Variants in SUMO3 observed in about 807,000 individuals in gnomAD.
SUMO3 encodes small ubiquitin-related modifier 3.
SUMO3 carries 2 observed loss-of-function variants against 11.1 expected under a neutral mutation model. The ratio of observed to expected loss-of-function variants is 0.18; its 90% CI spans 0.07 to 0.57. The LOEUF (loss-of-function observed/expected upper bound fraction) is 0.57. SUMO3 is among the 20% of genes least tolerant of loss of function. SUMO3 has a pLI of 0.92. For synonymous variants in SUMO3, 56 were observed against 53.5 expected, an observed-to-expected ratio of 1.05 and a Z score of -0.20; for missense variants, 70 against 132.8, an observed-to-expected ratio of 0.53 and a Z score of 2.32.
chr21:44,813,196 A>G (rs1569308917), intron 2 of SUMO3, among the ~76,000 whole-genome samples: 3 of 152,352 alleles, frequency 2.0e-5, no homozygotes, highest in Middle Eastern at 3.4e-3. Flanking sequence ...GTATTTTCAA[A>G]GCGGCTGAAG....
At chr21:44,808,648 T>G in intron 3 of SUMO3, 2 of 1,377,464 alleles carry the variant, frequency 1.5e-6, no homozygotes, top group Non-Finnish European at 1.9e-6. Context: ...TAATCAGGGG[T>G]TATGGCACAT....
intron 2 of SUMO3, 21 bp downstream of exon 2, chr21:44,813,955 C>T (rs200472105): frequency 9.6e-5 from 155 of 1,607,430 alleles, no homozygotes; most frequent in African/African-American, 5.3e-4. Context: ...GGAGGCTCTG[C>T]GGGGGAGCAA....
At chr21:44,816,806 G>A (rs1027388543) in intron 1 of SUMO3, among the ~76,000 whole-genome samples, 3 of 151,648 alleles carry the variant, frequency 2.0e-5, no homozygotes, top group Non-Finnish European at 4.4e-5. Flanking sequence ...GATAAGGAGG[G>A]GTGGGCGCGC....
intron 3 of SUMO3, chr21:44,808,565 T>C (rs2083192502): frequency 1.4e-6 from 2 of 1,391,678 alleles, no homozygotes; most frequent in Non-Finnish European, 1.9e-6. Context: ...GACAGTATGA[T>C]GCCCTGCAAC....
chr21:44,817,935 T>C lies in SUMO3; in HGVS notation c.21+13A>G, dbSNP rs916475871. On this transcript the variant is annotated intron_variant, in intron 1 of 3. Coordinates refer to ENST00000332859, the MANE Select transcript of SUMO3 (RefSeq NM_006936.3). ...GCGATAGACGCGCGTGCAGGCGGGGTCGCCGCGCTTACCTTGGGCTTCTCC... is the reference window on the plus strand; with the variant it reads ...GCGATAGACGCGCGTGCAGGCGGGGCCGCCGCGCTTACCTTGGGCTTCTCC... The C allele has an allele frequency of 1.1e-5, 11 of 1,029,010 alleles. No individual in the cohort carries two copies. The Admixed American group carries it at 7.5e-4, about 70-fold the overall frequency. The allele number at this position is 1,029,010 out of a possible 1,614,324, so 63.7% of individuals were successfully genotyped here.
At chr21:44,809,615 C>T (rs2083198624) in intron 2 of SUMO3, among the ~76,000 whole-genome samples, 1 of 152,246 alleles carries the variant, frequency 6.6e-6, no homozygotes. Context: ...AAAATCCACC[C>T]TTTCTTTACA....
chr21:44,817,181 G>A (rs1220428285), intron 1 of SUMO3, among the ~76,000 whole-genome samples: 3 of 148,636 alleles, frequency 2.0e-5, no homozygotes, highest in African/African-American at 5.0e-5. Flanking sequence ...ATGGGGAGGC[G>A]TGGGCGTACA....
chr21:44,813,325 G>T (rs1239706255), intron 2 of SUMO3, among the ~76,000 whole-genome samples: 2 of 152,144 alleles, frequency 1.3e-5, no homozygotes, highest in African/African-American at 4.8e-5. Flanking sequence ...CATAAAAGTG[G>T]CCTAGAGAGG....
Position 44,806,195 on chromosome 21 carries a change from GAA to G in SUMO3, c.*754_*755del, listed in dbSNP as rs1569306384. 3 of 138,960 alleles carry G rather than the reference GAA, an allele frequency of 2.2e-5. No individual in the cohort carries two copies. In the Admixed American group the frequency reaches 2.3e-4, roughly 11 times the overall value. The allele number at this position is 138,960 out of a possible 1,614,324, so 8.6% of individuals were successfully genotyped here. A position where few individuals can be genotyped will look rare whatever the true frequency, so the allele number is the denominator to read the frequency against. On this transcript the variant is annotated 3_prime_UTR_variant, in exon 4 of 4. Transcript: ENST00000332859. The stretch of plus-strand genomic sequence containing the variant: ...GGAATTTCTTCAATATTAAGAGGGA[GAA>G]AAAGGCCAATTTTGGTTGTGCCAAT...
chr21:44,806,677 G>C lies in SUMO3; in HGVS notation c.*274C>G. 2 of 701,608 alleles carry C rather than the reference G, an allele frequency of 2.9e-6. No individual in the cohort carries two copies. Among genetic ancestry groups the C allele is most frequent in the Admixed American group, 3.8e-5 (1 of 26,376 alleles). The allele number at this position is 701,608 out of a possible 1,614,324, so 43.5% of individuals were successfully genotyped here. On this transcript the variant is annotated 3_prime_UTR_variant, in exon 4 of 4. Coordinates refer to ENST00000332859, the MANE Select transcript of SUMO3 (RefSeq NM_006936.3). ...GGGGTTAAAAAAATGTTGTAGGAGG[G>C]GGGGAAAACACAAATGAGCACACAA...
chr21:44,806,944 G>A lies in SUMO3; in HGVS notation c.*7C>T, dbSNP rs540931661. 6.9e-5 allele frequency: 111 copies of A among 1,614,002 alleles called. 1 individual carries two copies. The highest frequency in any genetic ancestry group is 4.9e-4 in the Middle Eastern group (3 of 6,062). The stretch of plus-strand genomic sequence containing the variant: ...AGGATGGACGGCCCGGGCTGGGGAC[G>A]GGCCCTCTAGAAACTGTGCCCTGCC... On this transcript the variant is annotated 3_prime_UTR_variant, in exon 4 of 4. Transcript: ENST00000332859.
chr21:44,806,773 T>G lies in SUMO3; in HGVS notation c.*178A>C. The G allele has an allele frequency of 7.2e-7, 1 of 1,387,736 alleles. No individual in the cohort carries two copies. The highest frequency in any genetic ancestry group is 1.6e-5 in the South Asian group (1 of 62,420). 86.0% of individuals were successfully genotyped at this position (1,387,736 alleles called of 1,614,324 possible). On this transcript the variant is annotated 3_prime_UTR_variant, in exon 4 of 4. Coordinates refer to ENST00000332859, the MANE Select transcript of SUMO3 (RefSeq NM_006936.3). ...ACAATTCTGATTGGCCCAATTTAAG[T>G]TACAGATTCATCCCTGCAGATATAG... is the stretch of plus-strand genomic sequence containing the variant.
chr21:44,808,607 G>A, intron 3 of SUMO3: 1 of 1,368,480 alleles, frequency 7.3e-7, no homozygotes. Flanking sequence ...ATGTCTGCAT[G>A]TGCCTGAGAG....
rs930878505 is a variant in SUMO3 at position 44,807,843 on chromosome 21, C to A, written c.223-803G>T. ...GCCAGCCCCCTGACCCCCAGTCAAG[C>A]CCCAGAGACTCCACGAGGCCCTCCC... On this transcript the variant is annotated intron_variant, in intron 3 of 3. Transcript: ENST00000332859. This position sits in a 1 kb window ranked among gnomAD's most constrained non-coding sequence, Gnocchi z 4.3. 6.4e-4 allele frequency among the ~76,000 whole-genome samples: 98 copies of A among 152,310 alleles called. No individual in the cohort carries two copies. The highest frequency in any genetic ancestry group is 2.3e-3 in the African/African-American group (95 of 41,560).
At chr21:44,812,053 C>CCTTTTT (rs755885948) in intron 2 of SUMO3, among the ~76,000 whole-genome samples, 80 of 80,978 alleles carry the variant, frequency 9.9e-4, no homozygotes, top group East Asian at 5.5e-3. Context: ...AACTTCTCAC[C>CCTTTTT]TTTTTTTTTT....
chr21:44,813,991 G>C lies in SUMO3; in HGVS notation c.135C>G (p.Ala45=), dbSNP rs201436958. ...RHTPLSKLMK[A]YCERQGLSMR... The stretch of plus-strand genomic sequence containing the variant: ...GGTGCCGCACCTGCCTCTCGCAGTA[G>C]GCCTTCATCAGCTTGCTCAGCGGCG... Residue 45 remains alanine (A), a synonymous_variant, in exon 2 of 4, where the codon GCC becomes GCG. Coordinates refer to ENST00000332859, the MANE Select transcript of SUMO3 (RefSeq NM_006936.3). 2 of 1,612,454 alleles carry C rather than the reference G, an allele frequency of 1.2e-6. No individual in the cohort carries two copies. The highest frequency in any genetic ancestry group is 2.7e-5 in the African/African-American group (2 of 75,044).
Position 44,805,788 on chromosome 21 carries a change from T to C in SUMO3, c.*1163A>G, listed in dbSNP as rs1000315242. 1 of 152,580 alleles carries C rather than the reference T, an allele frequency of 6.6e-6. No homozygotes were observed. Among genetic ancestry groups the C allele is most frequent in the African/African-American group, 2.4e-5 (1 of 41,412 alleles). 9.5% of individuals were successfully genotyped at this position (152,580 alleles called of 1,614,324 possible). On this transcript the variant is annotated 3_prime_UTR_variant, in exon 4 of 4. Coordinates refer to ENST00000332859, the MANE Select transcript of SUMO3 (RefSeq NM_006936.3). ...CAAGCAAGCAAGAGATGATGGGTCA[T>C]TGTTCAGGTGACTGTAAAAAGGCAG...
In SUMO3 at chr21:44,816,828, G is replaced by C. The variant is rs1360572311; in HGVS notation, c.21+1120C>G. The stretch of plus-strand genomic sequence containing the variant: ...AGGGGTGGGCGCGCATGGTGGGGGA[G>C]GCGCAATGCAGAGAAGTGGGCGCAC... On this transcript the variant is annotated intron_variant, in intron 1 of 3. Coordinates refer to ENST00000332859, the MANE Select transcript of SUMO3 (RefSeq NM_006936.3). Among the ~76,000 whole-genome samples, 4 of 146,974 alleles carry C rather than the reference G, an allele frequency of 2.7e-5. No individual in the cohort carries two copies. The East Asian group carries it at 8.3e-4, about 31-fold the overall frequency.
rs73232962 is a variant in SUMO3 at position 44,807,449 on chromosome 21, G to A, written c.223-409C>T. 0.078 allele frequency among the ~76,000 whole-genome samples: 11,805 copies of A among 152,140 alleles called. 546 individuals carry two copies. The highest frequency in any genetic ancestry group is 0.096 in the Non-Finnish European group (6,506 of 67,986). ...AGCCTTGCGCTTTATACCAAGTGCG[G>A]GGGACCATGCCATGAAAGCCAAAGC... On this transcript the variant is annotated intron_variant, in intron 3 of 3. Coordinates refer to ENST00000332859, the MANE Select transcript of SUMO3 (RefSeq NM_006936.3). The surrounding 1 kb of genome is among the most constrained non-coding windows in gnomAD (Gnocchi z 4.3).
Sources: allele counts gnomAD v4.1 joint callset (sites outside exome capture counted in the v4.1 genomes callset), GRCh38; gene constraint gnomAD v4.1.1; non-coding constraint Gnocchi (gnomAD v3.1); transcripts MANE v1.5; gene names NCBI Gene and HGNC (gene_info 2026-07-23, HGNC 2026-07-21).